Variants in PCDHA9 observed in about 807,000 individuals in gnomAD.
PCDHA9 encodes the protein protocadherin alpha 9.
In PCDHA9, 62 loss-of-function variants were observed where a neutral mutation model predicts 62.0. The observed-to-expected ratio is 1.00, with a 90% CI of 0.81 to 1.23. The LOEUF (loss-of-function observed/expected upper bound fraction) is 1.23. PCDHA9 is among the 50% of genes most tolerant of loss of function. PCDHA9 has a pLI of 0.00. For synonymous variants in PCDHA9, 557 were observed against 567.6 expected (o/e 0.98, Z 0.27); for missense variants, 1,205 against 1,249.8 (o/e 0.96, Z 0.54).
Position 140,884,467 on chromosome 5 carries a change from G to C in PCDHA9, c.2394+33578G>C, listed in dbSNP as rs199814121. 11 of 1,613,778 alleles carry C rather than the reference G, an allele frequency of 6.8e-6. No homozygotes were observed. The South Asian group carries it at 8.8e-5, about 13-fold the overall frequency. On this transcript the variant is annotated intron_variant, in intron 1 of 3. Transcript: ENST00000532602. ...CACCGCCCACCGAGGGCGCGTGCGC[G>C]CCGGGCAAGCCCACTCTAGTGTGCT...
chr5:140,936,200 T>C (rs906256264), intron 1 of PCDHA9, among the ~76,000 whole-genome samples: 4 of 152,322 alleles, frequency 2.6e-5, no homozygotes, highest in African/African-American at 7.2e-5. Context: ...GCCAAAGTTG[T>C]CTTTTTTATT....
chr5:140,870,385 G>A, intron 1 of PCDHA9: 1 of 1,614,240 alleles, frequency 6.2e-7, no homozygotes. Context: ...GACTGCGCGG[G>A]ATGGGGGTTC....
Position 140,850,139 on chromosome 5 carries a change from C to G in PCDHA9, c.1644C>G (p.Asn548Lys), listed in dbSNP as rs2041373469. The G allele has an allele frequency of 6.3e-7, 1 of 1,595,636 alleles. No homozygotes were observed. The highest frequency in any genetic ancestry group is 1.3e-5 in the African/African-American group (1 of 74,468). Residue 548 changes from asparagine (N) to lysine (K), a missense_variant, in exon 1 of 4, where the codon AAC (asparagine) becomes AAG (lysine). Asn to Lys is a moderately conservative substitution (Grantham distance 94, BLOSUM62 0). Around this residue, in one of 3 missense-constraint regions of PCDHA9, gnomAD observed 887 missense variants for 809.5 expected, o/e 1.10. Transcript: ENST00000532602. ...CGGGCGTGCCGCCTCTGGGCAGCAA[C>G]GTGACGCTGCAGGTGTTCGTGCTGG... ...RDAGVPPLGS[N>K]VTLQVFVLDE...
At position 140,849,641 on chromosome 5, in the gene PCDHA9, C is replaced by A. The variant is rs2150443548; in HGVS notation, c.1146C>A (p.Asn382Lys). 5 of 1,598,742 alleles carry A rather than the reference C, an allele frequency of 3.1e-6. 2 individuals are homozygous for A. Among genetic ancestry groups the A allele is most frequent in the Non-Finnish European group, 2.6e-6 (3 of 1,167,966 alleles). ...ISVIDLDADA[N>K]GQVTCSLTPH... ...TGATCGACCTAGACGCAGATGCCAA[C>A]GGGCAGGTTACCTGCTCCCTGACGC... The change falls in exon 1 of 4, where the codon AAC becomes AAA. Residue 382 changes from asparagine (N) to lysine (K), a missense_variant. Coordinates refer to ENST00000532602, the MANE Select transcript of PCDHA9 (RefSeq NM_031857.2).
chr5:140,875,808 G>A (rs1554167962), intron 1 of PCDHA9: 1 of 1,614,226 alleles, frequency 6.2e-7, no homozygotes, highest in South Asian at 1.1e-5. Flanking sequence ...TCGTGGACAG[G>A]CCGCTGCAGG....
intron 1 of PCDHA9, among the ~76,000 whole-genome samples, chr5:140,886,040 C>T (rs533442744): frequency 9.2e-5 from 14 of 152,118 alleles, no homozygotes; most frequent in Non-Finnish European, 1.9e-4. Context: ...AAGTTTTCCC[C>T]AATAGTAACA....
At chr5:140,970,802 AC>A (rs1407360459) in intron 1 of PCDHA9, among the ~76,000 whole-genome samples, 1 of 152,216 alleles carries the variant, frequency 6.6e-6, no homozygotes, top group Non-Finnish European at 1.5e-5. Flanking sequence ...CCATATTGTT[AC>A]ATTTCAAGTT....
intron 1 of PCDHA9, among the ~76,000 whole-genome samples, chr5:140,898,613 T>A (rs561301118): frequency 6.6e-6 from 1 of 152,346 alleles, no homozygotes; most frequent in South Asian, 2.1e-4. Flanking sequence ...TAGTTTGAAG[T>A]CAGGTAGCAT....
intron 1 of PCDHA9, among the ~76,000 whole-genome samples, chr5:140,879,750 A>G (rs1554170976): frequency 1.3e-5 from 2 of 152,216 alleles, no homozygotes; most frequent in Non-Finnish European, 2.9e-5. Context: ...TGTCAAGGCT[A>G]TACTCTCTTT....
chr5:140,944,451 T>C (rs6878788), intron 1 of PCDHA9, among the ~76,000 whole-genome samples: 8,488 of 152,228 alleles, frequency 0.056, 701 homozygotes, highest in African/African-American at 0.18. Flanking sequence ...CCTCCCAAAG[T>C]GCTGGGATTA....
intron 1 of PCDHA9, chr5:140,967,283 C>T: frequency 6.2e-7 from 1 of 1,613,158 alleles, no homozygotes; most frequent in Non-Finnish European, 8.5e-7. Context: ...AGAGAGTGCG[C>T]AGGACCCCGA....
At position 141,010,449 on chromosome 5, in the gene PCDHA9, C is replaced by T. The variant is rs764975082; in HGVS notation, c.*512C>T. ...CAAGAAAACAAAGACAAATAAACAG[C>T]GGAAGTTATCAGTATGGAGGGGAAG... On this transcript the variant is annotated 3_prime_UTR_variant, in exon 4 of 4. Coordinates refer to ENST00000532602, the MANE Select transcript of PCDHA9 (RefSeq NM_031857.2). 14 of 915,348 alleles carry T rather than the reference C, an allele frequency of 1.5e-5. No homozygotes were observed. Among genetic ancestry groups the T allele is most frequent in the Non-Finnish European group, 2.1e-5 (13 of 631,774 alleles). 56.7% of individuals were successfully genotyped at this position (915,348 alleles called of 1,614,324 possible).
At position 140,942,589 on chromosome 5, in the gene PCDHA9, T is replaced by A. The variant is rs1444015331; in HGVS notation, c.2395-36360T>A. On this transcript the variant is annotated intron_variant, in intron 1 of 3. Coordinates refer to ENST00000532602, the MANE Select transcript of PCDHA9 (RefSeq NM_031857.2). ...AAATCTTCCCATATAGGATGTCACA[T>A]ATAATTATAGTGTTTATATTTGCCA... Among the ~76,000 whole-genome samples, 4 of 148,934 alleles carry A rather than the reference T, an allele frequency of 2.7e-5. No homozygotes were observed. In the Admixed American group the frequency reaches 2.7e-4, roughly 10 times the overall value.
intron 1 of PCDHA9, among the ~76,000 whole-genome samples, chr5:140,933,844 G>A (rs2089450133): frequency 6.6e-6 from 1 of 151,910 alleles, no homozygotes; most frequent in South Asian, 2.1e-4. Context: ...TTTCATTCCT[G>A]TACCTTTAAT....
chr5:140,882,265 T>A (rs782012488), intron 1 of PCDHA9: 2 of 1,609,948 alleles, frequency 1.2e-6, no homozygotes, highest in African/African-American at 2.7e-5. Flanking sequence ...TTTTGGAGTG[T>A]ACCATGCTGT....
chr5:140,975,244 A>G (rs934948446), intron 1 of PCDHA9, among the ~76,000 whole-genome samples: 6 of 152,120 alleles, frequency 3.9e-5, no homozygotes. Flanking sequence ...AATCCCTCTT[A>G]TGCTTCAGAT....
chr5:140,882,189 T>C, intron 1 of PCDHA9: 2 of 1,519,304 alleles, frequency 1.3e-6, no homozygotes, highest in Admixed American at 2.2e-5. Flanking sequence ...TAGGAAGCCA[T>C]AAAAATTGGG....
chr5:140,882,336 C>T, intron 1 of PCDHA9: 1 of 1,614,162 alleles, frequency 6.2e-7, no homozygotes, highest in Non-Finnish European at 8.5e-7. Flanking sequence ...ATCCTCGCAG[C>T]CTGGGAGACG....
chr5:140,858,298 G>A lies in PCDHA9; in HGVS notation c.2394+7409G>A. The A allele has an allele frequency of 1.3e-6, 2 of 1,597,204 alleles. 1 individual carries two copies. Among genetic ancestry groups the A allele is most frequent in the South Asian group, 2.2e-5 (2 of 90,438 alleles). ...CGGTGGGGAGCTGGTCTTACTCGCA[G>A]CAGAGGCGGCAGAGGGTGTGTTCTG... On this transcript the variant is annotated intron_variant, in intron 1 of 3. Transcript: ENST00000532602.
Sources: gnomAD v4.1 joint callset for allele counts (sites outside exome capture counted in the v4.1 genomes callset) on GRCh38, gnomAD v4.1.1 for gene constraint, gnomAD v4.1.1 regional missense constraint, MANE v1.5 for transcripts, NCBI Gene and HGNC (gene_info 2026-07-23, HGNC 2026-07-21) for gene names.